Variants in TTLL5 observed in about 807,000 individuals in gnomAD.
TTLL5 encodes the protein tubulin polyglutamylase TTLL5.
In TTLL5, 132 loss-of-function variants were observed where a neutral mutation model predicts 168.4. The ratio of observed to expected loss-of-function variants is 0.78; its 90% CI spans 0.68 to 0.91. The LOEUF (loss-of-function observed/expected upper bound fraction) is 0.91. TTLL5 is among the 40% of genes least tolerant of loss of function. TTLL5 has a pLI of 0.00. For missense variants in TTLL5, 1,545 were observed against 1,581.5 expected, an observed-to-expected ratio of 0.98 and a Z score of 0.39; for synonymous variants, 546 against 558.6, an observed-to-expected ratio of 0.98 and a Z score of 0.32.
At chr14:75,823,297 G>A (rs751238465) in intron 28 of TTLL5, among the ~76,000 whole-genome samples, 1 of 152,336 alleles carries the variant, frequency 6.6e-6, no homozygotes, top group South Asian at 2.1e-4. Flanking sequence ...GGAGCTGAAA[G>A]TTGATGTGCA....
chr14:75,887,086 T>C (rs867474040), intron 30 of TTLL5: 4 of 1,161,504 alleles, frequency 3.4e-6, no homozygotes, highest in South Asian at 5.1e-5. Flanking sequence ...TGAGTGGAAG[T>C]TGGTGGTAAC....
At chr14:75,812,264 G>C (rs944292638) in intron 27 of TTLL5, among the ~76,000 whole-genome samples, 1 of 152,136 alleles carries the variant, frequency 6.6e-6, no homozygotes, top group Admixed American at 6.5e-5. Flanking sequence ...AGCAAGGGGT[G>C]AAACATCTGC....
At chr14:75,708,618 C>T (rs1011751820) in intron 9 of TTLL5, among the ~76,000 whole-genome samples, 1 of 152,150 alleles carries the variant, frequency 6.6e-6, no homozygotes, top group South Asian at 2.1e-4. Context: ...AGCCACCACA[C>T]CTGGCCTGTT....
intron 26 of TTLL5, among the ~76,000 whole-genome samples, chr14:75,786,887 C>A (rs983852167): frequency 2.0e-5 from 3 of 152,164 alleles, no homozygotes; most frequent in Admixed American, 1.3e-4. Flanking sequence ...AATCCCAGCA[C>A]TTTCGGAGGC....
chr14:75,782,660 A>G (rs947507156), intron 25 of TTLL5, 87 bp downstream of exon 25: 55 of 1,135,248 alleles, frequency 4.8e-5, no homozygotes, highest in Non-Finnish European at 6.3e-5. Flanking sequence ...AAATATTTCT[A>G]AAGCATGGAA....
At chr14:75,843,777 G>A (rs1016825587) in intron 28 of TTLL5, among the ~76,000 whole-genome samples, 4 of 152,032 alleles carry the variant, frequency 2.6e-5, no homozygotes, top group Non-Finnish European at 5.9e-5. Context: ...CAACTGAAAT[G>A]GAAGCATCTC....
Position 75,719,323 on chromosome 14 carries a change from C to G in TTLL5, c.843-412C>G, listed in dbSNP as rs976881902. Reference sequence around the variant, plus strand: ...AATAACTCACTCACCCATTCCAACTCAGTTCTGGTCTGAAAATGGCATCAG... The same window carrying G: ...AATAACTCACTCACCCATTCCAACTGAGTTCTGGTCTGAAAATGGCATCAG... On this transcript the variant is annotated intron_variant, in intron 10 of 31. Coordinates refer to ENST00000298832, the MANE Select transcript of TTLL5 (RefSeq NM_015072.5). 3.3e-5 allele frequency among the ~76,000 whole-genome samples: 5 copies of G among 152,328 alleles called. No homozygotes were observed. In the South Asian group the frequency reaches 1.0e-3, roughly 32 times the overall value.
intron 18 of TTLL5, among the ~76,000 whole-genome samples, chr14:75,760,755 C>G (rs1890585819): frequency 6.6e-6 from 1 of 151,816 alleles, no homozygotes; most frequent in Admixed American, 6.6e-5. Context: ...CGCTGTTTCC[C>G]ATAGAAATTA....
chr14:75,750,644 T>C (rs1404172745), intron 17 of TTLL5, among the ~76,000 whole-genome samples: 1 of 151,984 alleles, frequency 6.6e-6, no homozygotes, highest in Non-Finnish European at 1.5e-5. Context: ...ATTAACTTTT[T>C]TGGGGAAGCA....
chr14:75,924,057 T>TG (rs397769763), intron 31 of TTLL5, among the ~76,000 whole-genome samples: 5 of 150,828 alleles, frequency 3.3e-5, no homozygotes, highest in Non-Finnish European at 5.9e-5. Flanking sequence ...TTTTTTTTTT[T>TG]GCTTTCCATT....
At chr14:75,872,912 C>CA (rs71119400) in intron 29 of TTLL5, among the ~76,000 whole-genome samples, 115,879 of 131,218 alleles carry the variant, frequency 0.88, 50,985 homozygotes, top group African/African-American at 0.94. Flanking sequence ...AACTCCATCT[C>CA]AAAAAAAAAA....
chr14:75,919,643 C>G (rs150027572), intron 31 of TTLL5, among the ~76,000 whole-genome samples: 1 of 152,150 alleles, frequency 6.6e-6, no homozygotes, highest in East Asian at 1.9e-4. Flanking sequence ...TGATAAAATA[C>G]CTACATGAAA....
At chr14:75,729,857 A>G (rs992125949) in intron 12 of TTLL5, among the ~76,000 whole-genome samples, 2 of 152,138 alleles carry the variant, frequency 1.3e-5, no homozygotes, top group African/African-American at 4.8e-5. Flanking sequence ...TTCCCAGAAT[A>G]TTGGTTCTCA....
chr14:75,748,569 A>G (rs973165267), intron 17 of TTLL5, among the ~76,000 whole-genome samples: 6 of 152,238 alleles, frequency 3.9e-5, no homozygotes, highest in African/African-American at 1.4e-4. Flanking sequence ...GTGAGCCAGT[A>G]AATGGCCTGG....
At chr14:75,769,398 TTGGTTTTTATTCTTTC>T (rs1403468722) in intron 20 of TTLL5, among the ~76,000 whole-genome samples, 108 of 152,338 alleles carry the variant, frequency 7.1e-4, no homozygotes, top group African/African-American at 2.3e-3. Flanking sequence ...ATAGGTTTCT[TTGGTTTTTATTCTTTC>T]TGGTTTTTAT....
At chr14:75,827,267 G>C (rs545274554) in intron 28 of TTLL5, among the ~76,000 whole-genome samples, 8 of 152,032 alleles carry the variant, frequency 5.3e-5, no homozygotes, top group African/African-American at 1.7e-4. Context: ...CGTAACTCAC[G>C]TACAATAAAA....
chr14:75,860,768 T>G (rs1009745053), intron 28 of TTLL5, among the ~76,000 whole-genome samples: 3 of 152,166 alleles, frequency 2.0e-5, no homozygotes, highest in Non-Finnish European at 4.4e-5. Context: ...ACTCCGTTCC[T>G]TTAGCTGAGC....
intron 3 of TTLL5, among the ~76,000 whole-genome samples, chr14:75,675,295 A>G (rs1884054313): frequency 6.6e-6 from 1 of 152,204 alleles, no homozygotes; most frequent in African/African-American, 2.4e-5. Flanking sequence ...TTTGTGTTCT[A>G]CAAGTCAAAA....
intron 30 of TTLL5, among the ~76,000 whole-genome samples, chr14:75,895,128 CAG>C (rs978090688): frequency 1.3e-5 from 2 of 152,172 alleles, no homozygotes; most frequent in African/African-American, 2.4e-5. Context: ...CACATGTTCT[CAG>C]GACTTCCTGA....
Sources: allele counts gnomAD v4.1 joint callset (sites outside exome capture counted in the v4.1 genomes callset), GRCh38; gene constraint gnomAD v4.1.1; transcripts MANE v1.5; gene names NCBI Gene and HGNC (gene_info 2026-07-23, HGNC 2026-07-21).